The following SPOCK3 variants were observed in gnomAD, a reference collection of about 807,000 sequenced individuals.
SPOCK3 encodes the protein testican-3.
In SPOCK3, 30 loss-of-function variants were observed where a neutral mutation model predicts 56.6. The observed-to-expected ratio is 0.53, with a 90% confidence interval of 0.40 to 0.72. The LOEUF (loss-of-function observed/expected upper bound fraction) is 0.72, where lower values mean the gene tolerates loss of function less well. Ranked by LOEUF, SPOCK3 falls within the 30% of genes least tolerant of loss-of-function variation. The pLI, the probability that SPOCK3 is intolerant of heterozygous loss-of-function variation, is 0.00. For synonymous variants in SPOCK3, 196 were observed against 183.3 expected, an observed-to-expected ratio of 1.07 and a Z score of -0.56; for missense variants, 527 against 530.0, an observed-to-expected ratio of 0.99 and a Z score of 0.06.
intron 6 of SPOCK3, among the ~76,000 whole-genome samples, chr4:166,831,884 G>A (rs924675469): frequency 4.0e-5 from 6 of 150,194 alleles, no homozygotes; most frequent in Non-Finnish European, 5.9e-5. Context: ...GACTGCTCGC[G>A]TGTCTTCTTT....
rs554375620 is a variant in SPOCK3, at chr4:166,790,060, G to A, written c.709+2110C>T. 7.0e-4 allele frequency among the ~76,000 whole-genome samples: 106 copies of A among 152,042 alleles called. 1 individual carries two copies. Among genetic ancestry groups the A allele is most frequent in the African/African-American group, 2.5e-3 (104 of 41,476 alleles). On this transcript the variant is annotated intron_variant, in intron 7 of 10. Transcript: ENST00000357545. Reference sequence around the variant, plus strand: ...AATTGAGTGACTAAACTATGGTATGGGTACACAATGTAGTATATTGATTGC... The same window carrying A: ...AATTGAGTGACTAAACTATGGTATGAGTACACAATGTAGTATATTGATTGC...
At chr4:167,015,816 TTAGACATGCTAATCTG>T (rs1205227856) in intron 3 of SPOCK3, among the ~76,000 whole-genome samples, 1 of 152,150 alleles carries the variant, frequency 6.6e-6, no homozygotes. Flanking sequence ...CCTTATTTTG[TTAGACATGCTAATCTG>T]TAGTTCATCC....
At chr4:166,767,784 T>C (rs980152068) in intron 7 of SPOCK3, among the ~76,000 whole-genome samples, 8 of 152,178 alleles carry the variant, frequency 5.3e-5, no homozygotes, top group African/African-American at 1.9e-4. Flanking sequence ...ATGTTGACAG[T>C]AGGGTGTTAA....
At chr4:167,074,970 C>G (rs1757039915) in intron 2 of SPOCK3, among the ~76,000 whole-genome samples, 1 of 151,840 alleles carries the variant, frequency 6.6e-6, no homozygotes, top group African/African-American at 2.4e-5. Flanking sequence ...TATCCATCAC[C>G]TCAAGCATGT....
chr4:166,812,009 T>C (rs1743864125), intron 6 of SPOCK3, among the ~76,000 whole-genome samples: 2 of 151,874 alleles, frequency 1.3e-5, no homozygotes, highest in Admixed American at 1.3e-4. Flanking sequence ...GTTTTGCTCA[T>C]TTTGTTGCAT....
intron 2 of SPOCK3, among the ~76,000 whole-genome samples, chr4:167,081,325 G>T (rs10027078): frequency 0.32 from 47,893 of 151,756 alleles, 9,661 homozygotes; most frequent in African/African-American, 0.57. Context: ...AAGCACAATT[G>T]CTGGCATTTA....
At chr4:166,952,596 A>C (rs1742801446) in intron 4 of SPOCK3, among the ~76,000 whole-genome samples, 1 of 152,190 alleles carries the variant, frequency 6.6e-6, no homozygotes. Context: ...TAAAGTTCAT[A>C]TGGAACCAAA....
chr4:167,170,005 G>A (rs1730356083), intron 2 of SPOCK3, among the ~76,000 whole-genome samples: 1 of 152,090 alleles, frequency 6.6e-6, no homozygotes, highest in Non-Finnish European at 1.5e-5. Flanking sequence ...TCAGCCATGT[G>A]GGACTGTGAG....
intron 4 of SPOCK3, among the ~76,000 whole-genome samples, chr4:166,945,937 T>G (rs1741680401): frequency 6.6e-6 from 1 of 152,188 alleles, no homozygotes; most frequent in Non-Finnish European, 1.5e-5. Context: ...GATTAATTGT[T>G]CAGAAGTAGT....
intron 7 of SPOCK3, among the ~76,000 whole-genome samples, chr4:166,764,403 A>T (rs1215112854): frequency 2.0e-5 from 3 of 151,452 alleles, no homozygotes; most frequent in Non-Finnish European, 4.4e-5. Flanking sequence ...AAGTGTTCTC[A>T]TCGTTCAATT....
At chr4:167,216,331 A>T (rs559851977) in intron 2 of SPOCK3, among the ~76,000 whole-genome samples, 1 of 152,130 alleles carries the variant, frequency 6.6e-6, no homozygotes, top group Non-Finnish European at 1.5e-5. Context: ...TAAAAGATGA[A>T]TAGAAGATTT....
chr4:166,937,152 A>G (rs1740497185), intron 4 of SPOCK3, among the ~76,000 whole-genome samples: 1 of 152,062 alleles, frequency 6.6e-6, no homozygotes, highest in Non-Finnish European at 1.5e-5. Context: ...GATTTTTGGT[A>G]GATACCAAAA....
chr4:166,965,945 T>G (rs1203099956), intron 4 of SPOCK3, among the ~76,000 whole-genome samples: 1 of 152,138 alleles, frequency 6.6e-6, no homozygotes, highest in Non-Finnish European at 1.5e-5. Flanking sequence ...TTCACCATTA[T>G]AGTATCACAA....
intron 4 of SPOCK3, among the ~76,000 whole-genome samples, chr4:166,955,579 A>AT (rs1743334687): frequency 6.9e-6 from 1 of 145,034 alleles, no homozygotes; most frequent in Non-Finnish European, 1.5e-5. Context: ...TAATATAATT[A>AT]AATTATATTA....
intron 4 of SPOCK3, among the ~76,000 whole-genome samples, chr4:166,946,871 T>C (rs1411974235): frequency 6.6e-6 from 1 of 152,154 alleles, no homozygotes; most frequent in Non-Finnish European, 1.5e-5. Flanking sequence ...AATACCATAA[T>C]TGTCGAATGG....
intron 2 of SPOCK3, among the ~76,000 whole-genome samples, chr4:167,145,553 G>GGA (rs1763875528): frequency 6.6e-6 from 1 of 152,016 alleles, no homozygotes; most frequent in African/African-American, 2.4e-5. Flanking sequence ...TATCTGAGAT[G>GGA]GAGACGCCAG....
At position 167,193,514 on chromosome 4, in the gene SPOCK3, C is replaced by G. The variant is rs895354026; in HGVS notation, c.189+40471G>C. On this transcript the variant is annotated intron_variant, in intron 2 of 10. Coordinates refer to ENST00000357545, the MANE Select transcript of SPOCK3 (RefSeq NM_001040159.2). ...AGCTATAGTTAGTTTAATACTTTTG[C>G]CTTTTAACTTTTTAATAAAGTTAAA... Among the ~76,000 whole-genome samples the G allele has an allele frequency of 2.7e-5, 4 of 145,672 alleles. No homozygotes were observed. The East Asian group carries it at 8.3e-4, about 30-fold the overall frequency.
intron 10 of SPOCK3, among the ~76,000 whole-genome samples, chr4:166,736,843 A>G (rs1311858221): frequency 2.6e-5 from 4 of 152,224 alleles, no homozygotes; most frequent in African/African-American, 7.2e-5. Flanking sequence ...TGGAAACTTT[A>G]AAATGCATGT....
intron 6 of SPOCK3, among the ~76,000 whole-genome samples, chr4:166,864,130 C>T (rs1731530284): frequency 2.0e-5 from 3 of 152,170 alleles, no homozygotes; most frequent in African/African-American, 7.2e-5. Context: ...AAGAAATTCA[C>T]TCAAAACCAC....
Sources: gnomAD v4.1 joint callset for allele counts (sites outside exome capture counted in the v4.1 genomes callset) on GRCh38, gnomAD v4.1.1 for gene constraint, MANE v1.5 for transcripts, NCBI Gene and HGNC (gene_info 2026-07-23, HGNC 2026-07-21) for gene names.